The following BUD31 variants were observed in gnomAD, a reference collection of about 807,000 sequenced individuals.
BUD31 encodes BUD31 spliceosome associated protein, also known as protein BUD31 homolog.
BUD31 carries 9 observed loss-of-function variants against 17.9 expected under a neutral mutation model. That is an observed-to-expected ratio of 0.50 (90% CI 0.30 to 0.88). BUD31 has a LOEUF of 0.88. BUD31 is among the 40% of genes least tolerant of loss of function. BUD31 has a pLI of 0.06. For synonymous variants in BUD31, 70 were observed against 64.7 expected, an observed-to-expected ratio of 1.08 and a Z score of -0.39; for missense variants, 148 against 184.5, an observed-to-expected ratio of 0.80 and a Z score of 1.15.
chr7:99,418,109 A>G (rs1433849080), intron 5 of BUD31: 2 of 432,344 alleles, frequency 4.6e-6, no homozygotes, highest in Non-Finnish European at 6.5e-6. Context: ...CTGGGACTAC[A>G]GGCATGCACC....
At chr7:99,414,184 C>T (rs1338049019) in intron 3 of BUD31, among the ~76,000 whole-genome samples, 15 of 151,174 alleles carry the variant, frequency 9.9e-5, no homozygotes, top group Admixed American at 6.6e-4. Flanking sequence ...CTGTTGCCCA[C>T]GCTGGAGTGC....
chr7:99,416,111 CCAAA>C lies in BUD31; in HGVS notation c.95-24_95-21del, dbSNP rs1344195688. 4 of 1,611,574 alleles carry C rather than the reference CCAAA, an allele frequency of 2.5e-6. No homozygotes were observed. In the African/African-American group the frequency reaches 4.0e-5, roughly 16 times the overall value. On this transcript the variant is annotated intron_variant, in intron 3 of 5. Coordinates refer to ENST00000222969, the MANE Select transcript of BUD31 (RefSeq NM_003910.4). ...TCCTGCGCAGACCGACCCTATTCCCCCAAACACACTCTTTGTTTCTCCCCAGCTG... is the reference window on the plus strand; with the variant it reads ...TCCTGCGCAGACCGACCCTATTCCCCCACACTCTTTGTTTCTCCCCAGCTG...
chr7:99,415,069 G>A (rs978172156), intron 3 of BUD31: 4 of 363,622 alleles, frequency 1.1e-5, no homozygotes, highest in Non-Finnish European at 2.1e-5. Flanking sequence ...CCACAGGGTC[G>A]GTGGGTTTCT....
intron 5 of BUD31, 83 bp downstream of exon 5, chr7:99,417,678 G>C: frequency 1.9e-6 from 3 of 1,575,378 alleles, no homozygotes; most frequent in Non-Finnish European, 2.6e-6. Context: ...ATGTTATTTG[G>C]TTGGGCTGGA....
At chr7:99,411,957 C>T (rs140307156) in intron 3 of BUD31, 11,609 of 298,336 alleles carry the variant, frequency 0.039, 283 homozygotes, top group Admixed American at 0.052. Flanking sequence ...CCACCCACCT[C>T]GGCCTCCCAA....
intron 3 of BUD31, among the ~76,000 whole-genome samples, chr7:99,415,878 C>G (rs1366718485): frequency 6.6e-6 from 1 of 152,042 alleles, no homozygotes; most frequent in Non-Finnish European, 1.5e-5. Flanking sequence ...GTAATTGCTA[C>G]AAACTAAGGA....
At chr7:99,415,750 C>T (rs887047045) in intron 3 of BUD31, among the ~76,000 whole-genome samples, 2 of 152,208 alleles carry the variant, frequency 1.3e-5, no homozygotes, top group African/African-American at 4.8e-5. Flanking sequence ...TAACAGAAGG[C>T]TTGCACTCGT....
In BUD31 at chr7:99,419,591, AAAAAT is replaced by A. The variant is rs1795706179; in HGVS notation, c.*156_*160del. 1.1e-6 allele frequency: 1 copy of A among 929,206 alleles called. No homozygotes were observed. Among genetic ancestry groups the A allele is most frequent in the Admixed American group, 2.5e-5 (1 of 40,222 alleles). 57.6% of individuals were successfully genotyped at this position (929,206 alleles called of 1,614,324 possible). Reference sequence around the variant, plus strand: ...TCGCTGTCTATCAGCTGTGATTTGTAAAAATAAAATCTTTAAATCTCTCGAGCCCC... The same window carrying A: ...TCGCTGTCTATCAGCTGTGATTTGTAAAAATCTTTAAATCTCTCGAGCCCC... On this transcript the variant is annotated 3_prime_UTR_variant, in exon 6 of 6. Transcript: ENST00000222969.
intron 1 of BUD31, 143 bp downstream of exon 1, chr7:99,409,388 C>T (rs1043022705): frequency 4.6e-5 from 7 of 152,412 alleles, no homozygotes; most frequent in African/African-American, 1.4e-4. Context: ...TCTCTTACAC[C>T]TCCCGGCACA....
At position 99,419,567 on chromosome 7, in the gene BUD31, C is replaced by T. The variant is rs537677275; in HGVS notation, c.*126C>T. The T allele has an allele frequency of 9.0e-4, 948 of 1,052,254 alleles. No homozygotes were observed. Among genetic ancestry groups the T allele is most frequent in the Non-Finnish European group, 1.2e-3 (860 of 700,200 alleles). 65.2% of individuals were successfully genotyped at this position (1,052,254 alleles called of 1,614,324 possible). A position where few individuals can be genotyped will look rare whatever the true frequency, so the allele number is the denominator to read the frequency against. On this transcript the variant is annotated 3_prime_UTR_variant, in exon 6 of 6. Transcript: ENST00000222969. ...AGCACGGTCTCTATGGGGAAGGCTT[C>T]GCTGTCTATCAGCTGTGATTTGTAA... is the stretch of plus-strand genomic sequence containing the variant.
intron 3 of BUD31, among the ~76,000 whole-genome samples, chr7:99,414,137 TA>T (rs1259692597): frequency 6.7e-6 from 1 of 148,614 alleles, no homozygotes. Flanking sequence ...GCTTATTTTT[TA>T]TTTTTTTATT....
intron 3 of BUD31, among the ~76,000 whole-genome samples, chr7:99,415,593 ATTCCC>A (rs1433397734): frequency 2.4e-4 from 37 of 151,962 alleles, no homozygotes; most frequent in Admixed American, 2.4e-3. Flanking sequence ...GGAAAGGGAG[ATTCCC>A]TTTCCCGGTC....
intron 3 of BUD31, 188 bp downstream of exon 3, chr7:99,411,374 C>T (rs1725439790): frequency 5.6e-6 from 3 of 538,446 alleles, no homozygotes; most frequent in Admixed American, 7.4e-5. Flanking sequence ...ATGAAAAGGT[C>T]CTCAGAAAAG....
At chr7:99,417,879 A>T in intron 5 of BUD31, 1 of 1,359,882 alleles carries the variant, frequency 7.4e-7, no homozygotes, top group Non-Finnish European at 9.5e-7. Context: ...CCTAATCCCA[A>T]GGTGGTGGCA....
chr7:99,419,605 T>C lies in BUD31; in HGVS notation c.*164T>C. On this transcript the variant is annotated 3_prime_UTR_variant, in exon 6 of 6. Transcript: ENST00000222969. The stretch of plus-strand genomic sequence containing the variant: ...CTGTGATTTGTAAAAATAAAATCTT[T>C]AAATCTCTCGAGCCCCACGTCTCTT... 3.4e-6 allele frequency: 3 copies of C among 876,218 alleles called. No homozygotes were observed. The highest frequency in any genetic ancestry group is 5.2e-6 in the Non-Finnish European group (3 of 579,242). The allele number at this position is 876,218 out of a possible 1,614,324, so 54.3% of individuals were successfully genotyped here. A position where few individuals can be genotyped will look rare whatever the true frequency, so the allele number is the denominator to read the frequency against.
intron 1 of BUD31, among the ~76,000 whole-genome samples, chr7:99,409,775 G>GT (rs1452339714): frequency 1.6e-5 from 2 of 127,942 alleles, no homozygotes; most frequent in Admixed American, 8.3e-5. Flanking sequence ...TGGGCGGGGG[G>GT]GGGGTGGGTC....
chr7:99,419,060 G>A (rs28495024), intron 5 of BUD31: 7 of 327,472 alleles, frequency 2.1e-5, no homozygotes, highest in Admixed American at 4.5e-5. Flanking sequence ...GCAGAGCCAC[G>A]TCTGCTCATC....
chr7:99,414,096 T>A (rs1216406634), intron 3 of BUD31, among the ~76,000 whole-genome samples: 1 of 152,240 alleles, frequency 6.6e-6, no homozygotes, highest in Non-Finnish European at 1.5e-5. Context: ...TAGACATTTT[T>A]AATTTAAAAC....
rs1021890101 is a variant in BUD31, at chr7:99,417,727, C to T, written c.384+132C>T. The T allele has an allele frequency of 2.6e-6, 4 of 1,537,132 alleles. No individual in the cohort carries two copies. In the Admixed American group the frequency reaches 5.9e-5, roughly 23 times the overall value. ...CCTGGATGTCCTGCTGGCTCTCCCT[C>T]GTGGGAGTGGGTCCCTGTATTCAGG... On this transcript the variant is annotated intron_variant, in intron 5 of 5. Coordinates refer to ENST00000222969, the MANE Select transcript of BUD31 (RefSeq NM_003910.4).
Sources: allele counts gnomAD v4.1 joint callset (sites outside exome capture counted in the v4.1 genomes callset), GRCh38; gene constraint gnomAD v4.1.1; transcripts MANE v1.5; gene names NCBI Gene and HGNC (gene_info 2026-07-23, HGNC 2026-07-21).